Variants in CDH17 observed in about 807,000 individuals in gnomAD.
CDH17 encodes the protein cadherin 17, also known as cadherin-17.
Under a neutral mutation model 86.3 loss-of-function variants are expected in CDH17, and 67 were observed. The observed-to-expected ratio is 0.78, with a 90% CI of 0.64 to 0.95. CDH17 has a LOEUF of 0.95. Ranked by LOEUF, CDH17 falls within the 40% of genes least tolerant of loss-of-function variation. The pLI is 0.00. For missense variants in CDH17, 993 were observed against 1,017.6 expected, an observed-to-expected ratio of 0.98 and a Z score of 0.33; for synonymous variants, 367 against 366.4, an observed-to-expected ratio of 1.00 and a Z score of -0.02.
intron 14 of CDH17, among the ~76,000 whole-genome samples, chr8:94,147,088 G>C (rs967065355): frequency 1.3e-5 from 2 of 152,142 alleles, no homozygotes; most frequent in Non-Finnish European, 2.9e-5. Context: ...TTGGACCCTG[G>C]TTTTGATTTC....
In CDH17 at chr8:94,145,972, C is replaced by T. The variant is rs1812733509; in HGVS notation, c.2123G>A (p.Gly708Asp). The change falls in exon 15 of 18, where the codon GGC becomes GAC. Residue 708 changes from glycine to aspartate, a missense_variant. Coordinates refer to ENST00000027335, the MANE Select transcript of CDH17 (RefSeq NM_004063.4). ...FRGPHFTFSL[G>D]SGSLQNDWEV... Reference sequence around the variant, plus strand: ...CCAGTCGTTTTGTAAGCTTCCACTGCCGAGGGAAAATGTAAAATGGGGACC... The same window carrying T: ...CCAGTCGTTTTGTAAGCTTCCACTGTCGAGGGAAAATGTAAAATGGGGACC... The T allele has an allele frequency of 6.2e-7, 1 of 1,613,488 alleles. No individual in the cohort carries two copies. Among genetic ancestry groups the T allele is most frequent in the African/African-American group, 1.3e-5 (1 of 74,866 alleles).
At chr8:94,213,080 A>T (rs62523279), upstream of CDH17, among the ~76,000 whole-genome samples, 1 of 152,052 alleles carries the variant, frequency 6.6e-6, no homozygotes, top group Non-Finnish European at 1.5e-5. Flanking sequence ...GGGCGTAAGT[A>T]ATCCTCCTGC....
rs1447809125 is a variant in CDH17, at chr8:94,194,625, C to T, written c.51+10G>A. 2 of 1,580,222 alleles carry T rather than the reference C, an allele frequency of 1.3e-6. No individual in the cohort carries two copies. The highest frequency in any genetic ancestry group is 1.7e-6 in the Non-Finnish European group (2 of 1,151,028). On this transcript the variant is annotated intron_variant, in intron 2 of 17. Coordinates refer to ENST00000027335, the MANE Select transcript of CDH17 (RefSeq NM_004063.4). ...GTAAACAAATAGAGAAGAACACCCT[C>T]TTCTCTTACCAAATAAAGCATAAGA...
At chr8:94,186,664 C>G (rs1813585780) in intron 3 of CDH17, among the ~76,000 whole-genome samples, 1 of 152,350 alleles carries the variant, frequency 6.6e-6, no homozygotes, top group Middle Eastern at 3.4e-3. Flanking sequence ...TATAGTTACT[C>G]AAACCAGGCC....
Position 94,176,624 on chromosome 8 carries a change from A to T in CDH17, c.341T>A (p.Ile114Lys). 6.2e-7 allele frequency: 1 copy of T among 1,613,630 alleles called. No individual in the cohort carries two copies. The change falls in exon 5 of 18, where the codon ATA becomes AAA. Residue 114 changes from isoleucine to lysine, a missense_variant. By Grantham distance (102) the Ile-to-Lys change is moderately radical (BLOSUM62 -3). Coordinates refer to ENST00000027335, the MANE Select transcript of CDH17 (RefSeq NM_004063.4). ...IIVEGPVPIT[I>K]KVKDINDNRP... ...ATTGTCGTTGATGTCCTTCACTTTT[A>T]TGGTGATAGGGACTGGACCCTCCAC... is the stretch of plus-strand genomic sequence containing the variant.
At chr8:94,194,465 A>G (rs1383896217) in intron 2 of CDH17, among the ~76,000 whole-genome samples, 170 bp downstream of exon 2, 1 of 152,254 alleles carries the variant, frequency 6.6e-6, no homozygotes, top group East Asian at 1.9e-4. Flanking sequence ...TAGCCATTTC[A>G]TCGAAAATAT....
chr8:94,211,118 G>A (rs1048663824), upstream of CDH17, among the ~76,000 whole-genome samples: 2 of 151,128 alleles, frequency 1.3e-5, no homozygotes, highest in Admixed American at 6.6e-5. Context: ...ACATTTCAAC[G>A]CTTTTGTCTA....
chr8:94,131,732 G>T (rs1812424316), intron 15 of CDH17, among the ~76,000 whole-genome samples: 1 of 151,992 alleles, frequency 6.6e-6, no homozygotes, highest in South Asian at 2.1e-4. Context: ...TTAATGTGCA[G>T]GTTTGATACG....
intron 10 of CDH17, among the ~76,000 whole-genome samples, chr8:94,164,851 A>G (rs1813123385): frequency 6.6e-6 from 1 of 152,194 alleles, no homozygotes; most frequent in Non-Finnish European, 1.5e-5. Context: ...TTGTTTAACA[A>G]TGTGTGCAGT....
intron 3 of CDH17, among the ~76,000 whole-genome samples, chr8:94,187,938 A>C (rs1183681460): frequency 1.3e-5 from 2 of 152,152 alleles, no homozygotes; most frequent in East Asian, 3.9e-4. Flanking sequence ...CGGGCTGCAT[A>C]GACATGCAAG....
chr8:94,185,220 A>G (rs908933860), intron 3 of CDH17, among the ~76,000 whole-genome samples: 2 of 151,120 alleles, frequency 1.3e-5, no homozygotes, highest in African/African-American at 4.9e-5. Context: ...TAAAAAGAAA[A>G]TCCCCTTCAT....
At chr8:94,199,063 A>G (rs1563589416) in intron 1 of CDH17, among the ~76,000 whole-genome samples, 1 of 21,226 alleles carries the variant, frequency 4.7e-5, no homozygotes, top group African/African-American at 1.5e-4. Context: ...ATATATATAT[A>G]TATATATATA....
At chr8:94,173,453 C>G (rs903290302) in intron 7 of CDH17, among the ~76,000 whole-genome samples, 7 of 152,146 alleles carry the variant, frequency 4.6e-5, no homozygotes, top group Non-Finnish European at 7.4e-5. Context: ...CTGCCATGAT[C>G]GTAATTTTCC....
intron 13 of CDH17, among the ~76,000 whole-genome samples, chr8:94,149,267 C>T (rs1196023182): frequency 2.0e-5 from 3 of 152,086 alleles, no homozygotes; most frequent in Non-Finnish European, 4.4e-5. Context: ...AAACCACCCA[C>T]CTAGAAAATT....
intron 1 of CDH17, among the ~76,000 whole-genome samples, chr8:94,200,155 T>C (rs187502226): frequency 4.5e-4 from 68 of 152,238 alleles, no homozygotes; most frequent in Non-Finnish European, 7.5e-4. Flanking sequence ...AAAGAGGACT[T>C]TGGTCTCTCA....
chr8:94,131,365 A>G (rs898191657), intron 15 of CDH17, among the ~76,000 whole-genome samples: 1 of 152,202 alleles, frequency 6.6e-6, no homozygotes, highest in Non-Finnish European at 1.5e-5. Flanking sequence ...CCAACTGATC[A>G]ATACATAACC....
At chr8:94,200,258 CCTT>C (rs796778579) in intron 1 of CDH17, among the ~76,000 whole-genome samples, 2 of 152,272 alleles carry the variant, frequency 1.3e-5, no homozygotes, top group African/African-American at 4.8e-5. Flanking sequence ...GGGAAGCCAT[CCTT>C]CATCACTGAA....
chr8:94,162,341 A>C (rs960487211), intron 10 of CDH17, among the ~76,000 whole-genome samples, 179 bp from the exon 11 acceptor site: 7 of 152,174 alleles, frequency 4.6e-5, no homozygotes, highest in South Asian at 2.1e-4. Context: ...AGTGGTCACC[A>C]AGTGTGGGGC....
chr8:94,141,535 T>C (rs893174229), intron 15 of CDH17, among the ~76,000 whole-genome samples: 7 of 152,264 alleles, frequency 4.6e-5, no homozygotes, highest in Admixed American at 3.3e-4. Flanking sequence ...ATTGTCTATG[T>C]AGAAAATCTA....
Sources: gnomAD v4.1 joint callset for allele counts (sites outside exome capture counted in the v4.1 genomes callset) on GRCh38, gnomAD v4.1.1 for gene constraint, MANE v1.5 for transcripts, NCBI Gene and HGNC (gene_info 2026-07-23, HGNC 2026-07-21) for gene names.